The following KDM4C variants were observed in gnomAD, a reference collection of about 807,000 sequenced individuals.
The protein encoded by KDM4C is lysine demethylase 4C, also known as lysine-specific demethylase 4C.
KDM4C carries 81 observed loss-of-function variants against 129.3 expected under a neutral mutation model. The ratio of observed to expected loss-of-function variants is 0.63; its 90% CI spans 0.52 to 0.75. The LOEUF (loss-of-function observed/expected upper bound fraction) is 0.75. Ranked by LOEUF, KDM4C falls within the 30% of genes least tolerant of loss-of-function variation. KDM4C has a pLI of 0.00. For synonymous variants in KDM4C, 573 were observed against 456.1 expected (o/e 1.26, Z -3.26); for missense variants, 1,457 against 1,304.0 (o/e 1.12, Z -1.81).
intron 8 of KDM4C, chr9:6,925,814 C>G (rs954640366): frequency 9.4e-6 from 2 of 211,870 alleles, no homozygotes; most frequent in South Asian, 1.7e-4. Context: ...TTTGTGGTAG[C>G]TTGATATGAT....
chr9:6,778,851 A>C (rs1415268359), intron 1 of KDM4C, among the ~76,000 whole-genome samples: 1 of 147,020 alleles, frequency 6.8e-6, no homozygotes, highest in African/African-American at 2.5e-5. Context: ...AAGGAGTCTC[A>C]TGTTCGCCCA....
At chr9:6,798,909 C>G (rs924010764) in intron 2 of KDM4C, among the ~76,000 whole-genome samples, 1 of 151,610 alleles carries the variant, frequency 6.6e-6, no homozygotes, top group African/African-American at 2.4e-5. Context: ...AGAGACGTTC[C>G]TCACCTCCCA....
chr9:6,747,547 A>AAAT (rs1817925119), intron 1 of KDM4C, among the ~76,000 whole-genome samples: 1 of 151,696 alleles, frequency 6.6e-6, no homozygotes, highest in South Asian at 2.1e-4. Context: ...TTCAAAAAAA[A>AAAT]AAAAAAAAAA....
chr9:7,164,334 T>A (rs1253742697), intron 19 of KDM4C, among the ~76,000 whole-genome samples: 1 of 142,148 alleles, frequency 7.0e-6, no homozygotes, highest in Non-Finnish European at 1.5e-5. Flanking sequence ...AACTTCCCTG[T>A]CCCCCTGCCA....
chr9:6,954,759 A>G (rs1438667555), intron 8 of KDM4C, among the ~76,000 whole-genome samples: 2 of 152,222 alleles, frequency 1.3e-5, no homozygotes, highest in African/African-American at 4.8e-5. Flanking sequence ...AACTATTGTC[A>G]GGTCAGTTGA....
chr9:7,075,136 A>T (rs1833749556), intron 17 of KDM4C, among the ~76,000 whole-genome samples: 1 of 152,232 alleles, frequency 6.6e-6, no homozygotes, highest in Admixed American at 6.5e-5. Context: ...ATATGCAGTC[A>T]GTCAGACAAT....
At chr9:6,766,556 G>A (rs1820671888) in intron 1 of KDM4C, among the ~76,000 whole-genome samples, 1 of 151,894 alleles carries the variant, frequency 6.6e-6, no homozygotes, top group Non-Finnish European at 1.5e-5. Context: ...TTTTTCAGTC[G>A]ACCGAGAGTG....
intron 18 of KDM4C, among the ~76,000 whole-genome samples, chr9:7,107,520 G>T (rs10976041): frequency 6.6e-6 from 1 of 152,198 alleles, no homozygotes; most frequent in Non-Finnish European, 1.5e-5. Context: ...TTTCATATTA[G>T]GTTAGAATAA....
chr9:7,016,846 A>G (rs759174760), intron 15 of KDM4C, among the ~76,000 whole-genome samples: 16 of 152,008 alleles, frequency 1.1e-4, no homozygotes, highest in Non-Finnish European at 2.1e-4. Context: ...GTCCATCCCT[A>G]TTTTGCAATA....
At chr9:6,749,324 T>C (rs1427365960) in intron 1 of KDM4C, among the ~76,000 whole-genome samples, 1 of 151,980 alleles carries the variant, frequency 6.6e-6, no homozygotes, top group East Asian at 1.9e-4. Context: ...TGGCCAGGAA[T>C]CCTTAAAAAG....
chr9:6,757,540 T>C (rs1818420255), upstream of KDM4C: 2 of 791,556 alleles, frequency 2.5e-6, no homozygotes, highest in Non-Finnish European at 3.1e-6. Flanking sequence ...AGCGCTGTCA[T>C]CGCCGGAGAG....
chr9:7,049,799 A>G (rs1208520347), intron 17 of KDM4C, among the ~76,000 whole-genome samples: 1 of 152,106 alleles, frequency 6.6e-6, no homozygotes, highest in Non-Finnish European at 1.5e-5. Context: ...TGTCTTTAAC[A>G]TTGAAGTAAC....
At chr9:7,057,944 G>C (rs1831092729) in intron 17 of KDM4C, among the ~76,000 whole-genome samples, 1 of 152,202 alleles carries the variant, frequency 6.6e-6, no homozygotes, top group Non-Finnish European at 1.5e-5. Flanking sequence ...GTTCAGGACG[G>C]TTTTGCTAAA....
At chr9:7,107,847 TTTGTTG>T (rs3072910) in intron 18 of KDM4C, among the ~76,000 whole-genome samples, 21 of 151,752 alleles carry the variant, frequency 1.4e-4, no homozygotes, top group African/African-American at 3.6e-4. Context: ...ACAGAAAGTA[TTTGTTG>T]TTGTTGTTGT....
intron 18 of KDM4C, among the ~76,000 whole-genome samples, chr9:7,127,503 A>G (rs1360463253): frequency 6.6e-6 from 1 of 152,196 alleles, no homozygotes; most frequent in Non-Finnish European, 1.5e-5. Context: ...AGGAAGAGGA[A>G]GAATTGTATC....
Position 6,751,654 on chromosome 9 carries a change from C to T in KDM4C, c.49+30657C>T. Among the ~76,000 whole-genome samples the T allele has an allele frequency of 1.3e-5, 2 of 152,224 alleles. 1 individual carries two copies. The highest frequency in any genetic ancestry group is 3.9e-4 in the East Asian group (2 of 5,188). ...TCAAGAAGAGAGAAGCCACTTACAA[C>T]TTTAGCTGAATGATGAGATCTCAAT... On this transcript the variant is annotated intron_variant, in intron 1 of 17. Transcript: ENST00000536108.
intron 1 of KDM4C, among the ~76,000 whole-genome samples, chr9:6,777,601 T>C (rs936773369): frequency 1.3e-5 from 2 of 152,224 alleles, no homozygotes; most frequent in African/African-American, 4.8e-5. Context: ...AGTTGTTATA[T>C]CTGTTCTCCT....
intron 8 of KDM4C, among the ~76,000 whole-genome samples, chr9:6,950,261 C>T (rs1327877763): frequency 6.6e-6 from 1 of 152,038 alleles, no homozygotes; most frequent in Admixed American, 6.5e-5. Flanking sequence ...GTGAACTATT[C>T]TTTCTATAGT....
At chr9:6,835,305 T>C (rs1835681897) in intron 4 of KDM4C, 1 of 908,384 alleles carries the variant, frequency 1.1e-6, no homozygotes. Flanking sequence ...TTATGAAGTG[T>C]GATGTGGACA....
Sources: allele counts gnomAD v4.1 joint callset (sites outside exome capture counted in the v4.1 genomes callset), GRCh38; gene constraint gnomAD v4.1.1; transcripts MANE v1.5; gene names NCBI Gene and HGNC (gene_info 2026-07-23, HGNC 2026-07-21).